The following NFAM1 variants were observed in gnomAD, a reference collection of about 807,000 sequenced individuals.
The protein encoded by NFAM1 is NFAT activating protein with ITAM motif 1, also known as NFAT activation molecule 1.
In NFAM1, 17 loss-of-function variants were observed where a neutral mutation model predicts 29.0. That is an observed-to-expected ratio of 0.59 (90% CI 0.40 to 0.88). NFAM1 has a LOEUF of 0.88. Among genes scored for constraint, NFAM1 ranks in the 40% least tolerant of loss-of-function variants. The probability of loss-of-function intolerance (pLI) is 0.00; values close to 1 mark genes in which losing one functional copy is unlikely to be tolerated. For missense variants in NFAM1, 324 were observed against 344.6 expected, an observed-to-expected ratio of 0.94 and a Z score of 0.47; for synonymous variants, 175 against 147.2, an observed-to-expected ratio of 1.19 and a Z score of -1.36.
chr22:42,409,678 G>A lies in NFAM1; in HGVS notation c.452-131C>T. 2.4e-6 allele frequency: 1 copy of A among 422,402 alleles called. No individual in the cohort carries two copies. Among genetic ancestry groups the A allele is most frequent in the Non-Finnish European group, 4.2e-6 (1 of 237,650 alleles). The allele number at this position is 422,402 out of a possible 1,614,324, so 26.2% of individuals were successfully genotyped here. Reference sequence around the variant, plus strand: ...CGCCAACACGCTCCACACCCCACTAGGCCCCCTGGGAGCCAGGGTTCGGGC... The same window carrying A: ...CGCCAACACGCTCCACACCCCACTAAGCCCCCTGGGAGCCAGGGTTCGGGC... On this transcript the variant is annotated intron_variant, in intron 2 of 5. Transcript: ENST00000329021. This position sits in a 1 kb window ranked among gnomAD's most constrained non-coding sequence, Gnocchi z 4.9.
At chr22:42,412,155 C>T (rs1930116963) in intron 1 of NFAM1, among the ~76,000 whole-genome samples, 1 of 152,032 alleles carries the variant, frequency 6.6e-6, no homozygotes, top group African/African-American at 2.4e-5. Context: ...TCGCTTGAAC[C>T]TGGGAGGCTG....
intron 5 of NFAM1, among the ~76,000 whole-genome samples, chr22:42,386,251 G>T (rs1929134563): frequency 6.6e-6 from 1 of 152,020 alleles, no homozygotes; most frequent in Non-Finnish European, 1.5e-5. Flanking sequence ...GCGGGCGCCT[G>T]TAATCCCAGC....
At chr22:42,386,536 C>T (rs938730465) in intron 5 of NFAM1, among the ~76,000 whole-genome samples, 1 of 152,168 alleles carries the variant, frequency 6.6e-6, no homozygotes, top group Non-Finnish European at 1.5e-5. Flanking sequence ...TACCAGCTCA[C>T]ACTCTAGCTC....
At position 42,432,256 on chromosome 22, in the gene NFAM1, G is replaced by A. The variant is rs758797446; in HGVS notation, c.102C>T (p.Pro34=). ...CACTACCTGCCAGTCGCAGGGTCCC[G>A]GGCAGCAGCAGCACGCCAAGGAGGA... ...PWLLLGVLLL[P]GTLRLAGGQS... Residue 34 remains proline (P), a synonymous_variant, in exon 1 of 6, where the codon CCC becomes CCT. Coordinates refer to ENST00000329021, the MANE Select transcript of NFAM1 (RefSeq NM_145912.8). The A allele has an allele frequency of 7.6e-6, 12 of 1,572,776 alleles. No individual in the cohort carries two copies. The highest frequency in any genetic ancestry group is 5.6e-5 in the Admixed American group (3 of 53,574).
chr22:42,392,975 T>C (rs1157319885), intron 4 of NFAM1, among the ~76,000 whole-genome samples: 6 of 151,976 alleles, frequency 3.9e-5, no homozygotes, highest in Admixed American at 3.3e-4. Context: ...AATTTTTGTA[T>C]TTTTAGTAGA....
chr22:42,410,455 T>C, intron 2 of NFAM1: 1 of 384,750 alleles, frequency 2.6e-6, no homozygotes, highest in Non-Finnish European at 5.2e-6. Context: ...AGGTCAGGAT[T>C]CGAGACCAGC....
At position 42,384,838 on chromosome 22, in the gene NFAM1, T is replaced by G. The variant is rs1929079070; in HGVS notation, c.*323A>C. On this transcript the variant is annotated 3_prime_UTR_variant, in exon 6 of 6. Coordinates refer to ENST00000329021, the MANE Select transcript of NFAM1 (RefSeq NM_145912.8). ...ATGCTGCTCTGTCAGCATGAGGCAGTGAGCAGGGCTCTGGGCAAGGGTGGC... is the reference window on the plus strand; with the variant it reads ...ATGCTGCTCTGTCAGCATGAGGCAGGGAGCAGGGCTCTGGGCAAGGGTGGC... 1 of 434,106 alleles carries G rather than the reference T, an allele frequency of 2.3e-6. No individual in the cohort carries two copies. The highest frequency in any genetic ancestry group is 3.6e-5 in the Admixed American group (1 of 27,972). 26.9% of individuals were successfully genotyped at this position (434,106 alleles called of 1,614,324 possible).
intron 3 of NFAM1, among the ~76,000 whole-genome samples, chr22:42,402,875 A>C (rs1929771929): frequency 8.6e-6 from 1 of 116,250 alleles, no homozygotes; most frequent in Non-Finnish European, 1.6e-5. Context: ...TTGCTCTGTC[A>C]CCCAGGCTGG....
In NFAM1 at chr22:42,387,038, T is replaced by C. The variant is rs1569224668; in HGVS notation, c.704A>G (p.Glu235Gly). 6.3e-7 allele frequency: 1 copy of C among 1,587,440 alleles called. No individual in the cohort carries two copies. ...RRETEVYACI[E>G]NEDGSSPTAK... is the part of the protein sequence containing the mutation. The stretch of plus-strand genomic sequence containing the variant: ...GGTGGGTGAGCTGCCATCCTCATTC[T>C]CGATGCAGGCATAGACCTCGGTCTC... The change falls in exon 5 of 6, where the codon GAG becomes GGG. Residue 235 changes from glutamate (E) to glycine (G), a missense_variant. Glu to Gly is a moderately conservative substitution (Grantham distance 98). Transcript: ENST00000329021.
chr22:42,388,793 GTC>G lies in NFAM1; in HGVS notation c.664-1717_664-1716del, dbSNP rs2147089990. On this transcript the variant is annotated intron_variant, in intron 4 of 5. Coordinates refer to ENST00000329021, the MANE Select transcript of NFAM1 (RefSeq NM_145912.8). The surrounding 1 kb of genome is among the most constrained non-coding windows in gnomAD (Gnocchi z 4.1). ...GCGGCCCTGAGGACGAGTTCAAGGG[GTC>G]TCTGAGCCAGAAACAGGCTGGGTCT... Among the ~76,000 whole-genome samples the G allele has an allele frequency of 6.6e-6, 1 of 152,314 alleles. No homozygotes were observed. Among genetic ancestry groups the G allele is most frequent in the South Asian group, 2.1e-4 (1 of 4,824 alleles).
chr22:42,416,690 G>A (rs1601755149), intron 1 of NFAM1, among the ~76,000 whole-genome samples: 1 of 152,190 alleles, frequency 6.6e-6, no homozygotes, highest in African/African-American at 2.4e-5. Flanking sequence ...GCTGAGAGGG[G>A]CTTTAGCGGG....
chr22:42,404,429 G>A (rs1159815096), intron 3 of NFAM1, among the ~76,000 whole-genome samples: 3 of 152,022 alleles, frequency 2.0e-5, no homozygotes, highest in Admixed American at 6.6e-5. Flanking sequence ...CTGCCATCAG[G>A]GGCATCCACA....
At chr22:42,411,284 A>T (rs1228643658) in intron 2 of NFAM1, 123 bp downstream of exon 2, 3 of 732,874 alleles carry the variant, frequency 4.1e-6, no homozygotes, top group African/African-American at 3.5e-5. Flanking sequence ...TCAGCCTCCC[A>T]AAGTGCTGGG....
chr22:42,390,675 G>A (rs774023486), intron 4 of NFAM1, among the ~76,000 whole-genome samples: 3 of 152,012 alleles, frequency 2.0e-5, no homozygotes, highest in Non-Finnish European at 4.4e-5. Flanking sequence ...AAATTAGCCG[G>A]GCGTGGTGAC....
chr22:42,434,893 G>A (rs1053035923), upstream of NFAM1, among the ~76,000 whole-genome samples: 4 of 152,194 alleles, frequency 2.6e-5, no homozygotes, highest in Non-Finnish European at 5.9e-5. Flanking sequence ...TCCATTCCCC[G>A]TTTATCCGTG....
chr22:42,429,835 G>C (rs578182900), intron 1 of NFAM1, among the ~76,000 whole-genome samples: 1 of 152,194 alleles, frequency 6.6e-6, no homozygotes, highest in African/African-American at 2.4e-5. Flanking sequence ...TGATGGTTAC[G>C]GTCAGGGGAG....
At chr22:42,425,940 G>C (rs551934258) in intron 1 of NFAM1, among the ~76,000 whole-genome samples, 3 of 152,304 alleles carry the variant, frequency 2.0e-5, no homozygotes, top group Non-Finnish European at 4.4e-5. Context: ...GTTTGTTCAG[G>C]GTGGGGAAGG....
intron 1 of NFAM1, among the ~76,000 whole-genome samples, chr22:42,415,728 C>T (rs929461434): frequency 5.3e-5 from 8 of 152,194 alleles, no homozygotes; most frequent in Admixed American, 2.0e-4. Context: ...GAGGTCTAGG[C>T]CCTAGTTGGC....
chr22:42,433,409 C>T (rs1184223689), upstream of NFAM1, among the ~76,000 whole-genome samples: 2 of 152,204 alleles, frequency 1.3e-5, no homozygotes, highest in African/African-American at 2.4e-5. Flanking sequence ...GAGAAGACCT[C>T]GGCCCCAGGA....
Sources: allele counts gnomAD v4.1 joint callset (sites outside exome capture counted in the v4.1 genomes callset), GRCh38; gene constraint gnomAD v4.1.1; non-coding constraint Gnocchi (gnomAD v3.1); transcripts MANE v1.5; gene names NCBI Gene and HGNC (gene_info 2026-07-23, HGNC 2026-07-21).